RNGTT: variants seen among roughly 807,000 people sequenced by gnomAD.
RNGTT encodes the protein RNA guanylyltransferase and 5'-phosphatase, also known as mRNA-capping enzyme.
A neutral mutation model predicts 79.3 loss-of-function variants in RNGTT; 33 were observed. That is an observed-to-expected ratio of 0.42 (90% CI 0.32 to 0.56). RNGTT has a LOEUF of 0.56. RNGTT is among the 20% of genes least tolerant of loss of function. The pLI, the probability that RNGTT is intolerant of heterozygous loss-of-function variation, is 0.17. For synonymous variants in RNGTT, 222 were observed against 235.9 expected (o/e 0.94, Z 0.54); for missense variants, 497 against 739.1 (o/e 0.67, Z 3.80).
intron 8 of RNGTT, among the ~76,000 whole-genome samples, chr6:88,870,760 G>A (rs1582564578): frequency 6.6e-6 from 1 of 152,116 alleles, no homozygotes; most frequent in Non-Finnish European, 1.5e-5. Context: ...TATGCTTTCA[G>A]TAATGCTGTA....
intron 4 of RNGTT, among the ~76,000 whole-genome samples, chr6:88,917,713 C>T (rs1416710189): frequency 1.3e-5 from 2 of 152,014 alleles, no homozygotes; most frequent in African/African-American, 4.8e-5. Context: ...ATGGAGAAAC[C>T]TCATCTCTAC....
At chr6:88,874,830 C>T (rs996842870) in intron 8 of RNGTT, among the ~76,000 whole-genome samples, 2 of 152,004 alleles carry the variant, frequency 1.3e-5, no homozygotes, top group South Asian at 2.1e-4. Context: ...ATTTAAAAAT[C>T]CATCTATGAA....
chr6:88,692,489 T>C (rs1172902609), intron 13 of RNGTT, among the ~76,000 whole-genome samples: 1 of 149,528 alleles, frequency 6.7e-6, no homozygotes, highest in Non-Finnish European at 1.5e-5. Flanking sequence ...TGTGACAGCA[T>C]GGATGAATGT....
intron 8 of RNGTT, among the ~76,000 whole-genome samples, chr6:88,877,202 T>C (rs571564116): frequency 6.2e-4 from 94 of 152,334 alleles, no homozygotes; most frequent in Non-Finnish European, 1.2e-3. Context: ...CATGTAATAA[T>C]GGTTTTCAAA....
chr6:88,862,962 A>G (rs1325001202), intron 8 of RNGTT, among the ~76,000 whole-genome samples: 1 of 152,188 alleles, frequency 6.6e-6, no homozygotes, highest in Non-Finnish European at 1.5e-5. Flanking sequence ...GGCCTCTTCA[A>G]AGAATGAGCT....
intron 13 of RNGTT, among the ~76,000 whole-genome samples, chr6:88,725,316 T>A (rs924269635): frequency 6.6e-6 from 1 of 152,114 alleles, no homozygotes; most frequent in East Asian, 1.9e-4. Flanking sequence ...GATCCTCATA[T>A]ACTGCCATGA....
In RNGTT at chr6:88,842,042, G is replaced by A. The variant is rs111722053; in HGVS notation, c.1269+2315C>T. ...TATCTATGAATTAGAACCATCAATC[G>A]GTTTGCTAAGAAAGTTAACCACTAC... On this transcript the variant is annotated intron_variant, in intron 11 of 15. Transcript: ENST00000369485. Among the ~76,000 whole-genome samples, 469 of 152,164 alleles carry A rather than the reference G, an allele frequency of 3.1e-3. 9 individuals carry two copies. Among genetic ancestry groups the A allele is most frequent in the African/African-American group, 0.011 (453 of 41,508 alleles).
chr6:88,912,702 G>T (rs1313144028), intron 4 of RNGTT, among the ~76,000 whole-genome samples: 1 of 151,956 alleles, frequency 6.6e-6, no homozygotes, highest in Non-Finnish European at 1.5e-5. Flanking sequence ...AAATGACAAA[G>T]GTGACATTAC....
At chr6:88,679,699 A>G (rs981201412) in intron 13 of RNGTT, among the ~76,000 whole-genome samples, 4 of 152,374 alleles carry the variant, frequency 2.6e-5, no homozygotes, top group Middle Eastern at 3.4e-3. Context: ...TACTATCATT[A>G]TAACTGTGCT....
In RNGTT at chr6:88,777,454, T is replaced by A. The variant is rs557482090; in HGVS notation, c.1339-7580A>T. ...TTGGGTAGTATGGACATCTTAACAATGTAAATCTTCCAATTCATTAACATG... is the reference window on the plus strand; with the variant it reads ...TTGGGTAGTATGGACATCTTAACAAAGTAAATCTTCCAATTCATTAACATG... On this transcript the variant is annotated intron_variant, in intron 12 of 15. Transcript: ENST00000369485. Among the ~76,000 whole-genome samples, 8 of 152,322 alleles carry A rather than the reference T, an allele frequency of 5.3e-5. No homozygotes were observed. In the East Asian group the frequency reaches 1.4e-3, roughly 26 times the overall value.
At chr6:88,688,164 C>A (rs968417669) in intron 13 of RNGTT, among the ~76,000 whole-genome samples, 1 of 152,030 alleles carries the variant, frequency 6.6e-6, no homozygotes, top group African/African-American at 2.4e-5. Context: ...CATATGGGTA[C>A]TGGTTAGTAA....
intron 10 of RNGTT, among the ~76,000 whole-genome samples, chr6:88,846,939 C>A (rs1233940155): frequency 6.6e-6 from 1 of 151,928 alleles, no homozygotes; most frequent in Non-Finnish European, 1.5e-5. Context: ...CTTTTATATA[C>A]CTTTGTTATG....
intron 11 of RNGTT, among the ~76,000 whole-genome samples, chr6:88,821,127 A>G (rs1435221533): frequency 6.6e-6 from 1 of 152,174 alleles, no homozygotes; most frequent in Non-Finnish European, 1.5e-5. Flanking sequence ...GTGGAACAGA[A>G]TAGAACCCAG....
At chr6:88,898,892 C>T (rs1783351512) in intron 6 of RNGTT, among the ~76,000 whole-genome samples, 1 of 149,398 alleles carries the variant, frequency 6.7e-6, no homozygotes, top group Admixed American at 6.7e-5. Flanking sequence ...TTTAAGTCAT[C>T]TGTGTATGTT....
chr6:88,921,616 A>G (rs1784167851), intron 4 of RNGTT, among the ~76,000 whole-genome samples: 1 of 152,082 alleles, frequency 6.6e-6, no homozygotes, highest in Non-Finnish European at 1.5e-5. Context: ...TTATTATGGA[A>G]ATTTGCAGAC....
chr6:88,848,402 G>GAA (rs915260495), intron 10 of RNGTT, among the ~76,000 whole-genome samples: 3 of 151,336 alleles, frequency 2.0e-5, no homozygotes, highest in Non-Finnish European at 4.4e-5. Flanking sequence ...GTGCGCACAA[G>GAA]AAAAAAACAT....
chr6:88,869,364 G>A (rs1438233574), intron 8 of RNGTT, among the ~76,000 whole-genome samples: 2 of 152,124 alleles, frequency 1.3e-5, no homozygotes, highest in Non-Finnish European at 2.9e-5. Flanking sequence ...GACCTTTTTC[G>A]TGACTGGCCA....
intron 12 of RNGTT, among the ~76,000 whole-genome samples, chr6:88,788,385 G>A (rs922796139): frequency 3.3e-5 from 5 of 152,114 alleles, no homozygotes; most frequent in African/African-American, 1.2e-4. Flanking sequence ...AGCATGTGGT[G>A]TCACAGATGC....
intron 11 of RNGTT, among the ~76,000 whole-genome samples, chr6:88,817,243 C>T (rs1046394522): frequency 2.0e-5 from 3 of 152,090 alleles, no homozygotes; most frequent in African/African-American, 7.2e-5. Flanking sequence ...TACCATATAT[C>T]TGGACTAAGT....
Sources: gnomAD v4.1 joint callset for allele counts (sites outside exome capture counted in the v4.1 genomes callset) on GRCh38, gnomAD v4.1.1 for gene constraint, MANE v1.5 for transcripts, NCBI Gene and HGNC (gene_info 2026-07-23, HGNC 2026-07-21) for gene names.